The following STK33 variants were observed in gnomAD, a reference collection of about 807,000 sequenced individuals.
STK33 encodes the protein serine/threonine-protein kinase 33.
STK33 carries 52 observed loss-of-function variants against 58.0 expected under a neutral mutation model. The ratio of observed to expected loss-of-function variants is 0.90; its 90% CI spans 0.72 to 1.13. The LOEUF is 1.13. Among genes scored for constraint, STK33 ranks in the 50% most tolerant of loss-of-function variants. The pLI, the probability that STK33 is intolerant of heterozygous loss-of-function variation, is 0.00. For missense variants in STK33, 630 were observed against 604.2 expected, an observed-to-expected ratio of 1.04 and a Z score of -0.45; for synonymous variants, 215 against 200.1, an observed-to-expected ratio of 1.07 and a Z score of -0.63.
chr11:8,544,588 T>C (rs900064334), intron 1 of STK33, among the ~76,000 whole-genome samples: 2 of 151,870 alleles, frequency 1.3e-5, no homozygotes, highest in African/African-American at 2.4e-5. Flanking sequence ...CCTCGGATAA[T>C]TGACATATAC....
chr11:8,572,316 C>T (rs1161041509), intron 1 of STK33, among the ~76,000 whole-genome samples: 1 of 152,144 alleles, frequency 6.6e-6, no homozygotes, highest in Non-Finnish European at 1.5e-5. Flanking sequence ...ACCTGCCCTA[C>T]TTAAGCTTAA....
chr11:8,390,087 A>AT (rs1326338346), downstream of STK33, among the ~76,000 whole-genome samples: 1 of 152,088 alleles, frequency 6.6e-6, no homozygotes, highest in East Asian at 1.9e-4. Context: ...TTTGCTCCAC[A>AT]TATCCCCATT....
chr11:8,365,054 G>A, the STK33 span, among the ~76,000 whole-genome samples: 1 of 145,506 alleles, frequency 6.9e-6, no homozygotes, highest in Non-Finnish European at 1.5e-5. Context: ...GGCCAGCAGG[G>A]AACAGCTGGT....
chr11:8,475,095 G>A, intron 4 of STK33, 29 bp from the exon 5 acceptor site: 1 of 481,920 alleles, frequency 2.1e-6, no homozygotes, highest in East Asian at 3.4e-5. Context: ...TAACCATTTA[G>A]AGAAATTCTT....
intron 1 of STK33, among the ~76,000 whole-genome samples, chr11:8,554,248 T>A (rs1321951480): frequency 6.6e-6 from 1 of 151,416 alleles, no homozygotes; most frequent in East Asian, 1.9e-4. Context: ...TGAAACCCCG[T>A]CTCTATTAAA....
In STK33 at chr11:8,457,424, T is replaced by C; in HGVS notation, c.614A>G (p.Asp205Gly). 6.2e-7 allele frequency: 1 copy of C among 1,607,522 alleles called. No individual in the cohort carries two copies. The highest frequency in any genetic ancestry group is 8.5e-7 in the Non-Finnish European group (1 of 1,175,568). The change falls in exon 9 of 16, where the codon GAT becomes GGT. Residue 205 changes from aspartate to glycine, a missense_variant. By Grantham distance (94) the Asp-to-Gly change is moderately conservative. Coordinates refer to ENST00000687296, the MANE Select transcript of STK33 (RefSeq NM_001352389.2). Reference protein sequence around the residue: ...CEDGELKEILDRKGHFSENET... With the variant: ...CEDGELKEILGRKGHFSENET... ...ATTCTCTGAGAAATGCCCTTTCCTA[T>C]CCAGAATTTCTTTGAGTTCTCCATC... is the stretch of plus-strand genomic sequence containing the variant.
At chr11:8,531,592 G>A (rs1007113367) in intron 1 of STK33, among the ~76,000 whole-genome samples, 1 of 152,144 alleles carries the variant, frequency 6.6e-6, no homozygotes, top group East Asian at 1.9e-4. Flanking sequence ...CCTATCAATG[G>A]GGATGCTCAC....
intron 12 of STK33, among the ~76,000 whole-genome samples, chr11:8,437,153 T>C (rs1944174797): frequency 6.6e-6 from 1 of 152,194 alleles, no homozygotes. Context: ...GAAAGCTAAG[T>C]GTACCTAATG....
intron 1 of STK33, among the ~76,000 whole-genome samples, chr11:8,582,315 C>T (rs2030501421): frequency 6.6e-6 from 1 of 152,150 alleles, no homozygotes; most frequent in South Asian, 2.1e-4. Context: ...CTCAATTATA[C>T]AAAACAAATA....
At chr11:8,440,127 G>C (rs1342505417) in intron 12 of STK33, among the ~76,000 whole-genome samples, 1 of 151,854 alleles carries the variant, frequency 6.6e-6, no homozygotes, top group Non-Finnish European at 1.5e-5. Context: ...AAATGAGCAG[G>C]ACATGGAGTT....
chr11:8,436,075 C>T lies in STK33; in HGVS notation c.1012G>A (p.Gly338Arg), dbSNP rs1321376362. The change falls in exon 13 of 16, where the codon GGA (glycine) becomes AGA (arginine). Residue 338 changes from glycine to arginine, a missense_variant. By Grantham distance (125) the Gly-to-Arg change is moderately radical (BLOSUM62 -2). Coordinates refer to ENST00000687296, the MANE Select transcript of STK33 (RefSeq NM_001352389.2). Reference sequence around the variant, plus strand: ...ACTGCATTTTCAAAATGTAGTTCTCCTTTTCTTATTAACTCAAAAAGCTTC... The same window carrying T: ...ACTGCATTTTCAAAATGTAGTTCTCTTTTTCTTATTAACTCAAAAAGCTTC... ...EEKLFELIRKGELHFENAVWN... is the reference protein window; with the variant it reads ...EEKLFELIRKRELHFENAVWN... 6 of 1,596,392 alleles carry T rather than the reference C, an allele frequency of 3.8e-6. No homozygotes were observed. Among genetic ancestry groups the T allele is most frequent in the Non-Finnish European group, 5.1e-6 (6 of 1,171,248 alleles).
chr11:8,348,138 C>A, the STK33 span, among the ~76,000 whole-genome samples: 1 of 152,244 alleles, frequency 6.6e-6, no homozygotes, highest in Non-Finnish European at 1.5e-5. Flanking sequence ...GACCCCTCAC[C>A]TCTTTTCCTG....
chr11:8,433,182 G>C (rs965519023), intron 14 of STK33, among the ~76,000 whole-genome samples: 2 of 152,154 alleles, frequency 1.3e-5, no homozygotes, highest in African/African-American at 4.8e-5. Context: ...AGAATCCTTT[G>C]AGAGAGCAAC....
At chr11:8,541,014 C>A (rs1001936265) in intron 1 of STK33, among the ~76,000 whole-genome samples, 1 of 147,796 alleles carries the variant, frequency 6.8e-6, no homozygotes, top group Non-Finnish European at 1.5e-5. Flanking sequence ...ATATATATAT[C>A]TCATAACATT....
intron 1 of STK33, among the ~76,000 whole-genome samples, chr11:8,510,155 C>T (rs1163160511): frequency 6.6e-6 from 1 of 152,158 alleles, no homozygotes; most frequent in Non-Finnish European, 1.5e-5. Context: ...ACCACATCCA[C>T]ACCAGCACCT....
downstream of STK33, among the ~76,000 whole-genome samples, chr11:8,390,705 C>G (rs1224726446): frequency 6.6e-6 from 1 of 152,104 alleles, no homozygotes; most frequent in South Asian, 2.1e-4. Flanking sequence ...GGTGGCTGGC[C>G]TTGCCTGGTG....
intron 12 of STK33, among the ~76,000 whole-genome samples, chr11:8,439,869 T>TTTTATATATA (rs1554930118): frequency 4.7e-5 from 5 of 107,274 alleles, no homozygotes; most frequent in African/African-American, 1.4e-4. Context: ...TATATTATAA[T>TTTTATATATA]TATATATATA....
At chr11:8,361,375 C>T in the STK33 span, among the ~76,000 whole-genome samples, 3 of 152,158 alleles carry the variant, frequency 2.0e-5, no homozygotes, top group East Asian at 1.9e-4. This position sits in a 1 kb window ranked among gnomAD's most constrained non-coding sequence, Gnocchi z 4.8. Context: ...CATTCCACAT[C>T]GAGCCTTTCC....
At chr11:8,336,192 G>A in the STK33 span, among the ~76,000 whole-genome samples, 3 of 152,238 alleles carry the variant, frequency 2.0e-5, no homozygotes, top group African/African-American at 7.2e-5. Context: ...CTGGACACAG[G>A]GGCCCCACCT....
Sources: gnomAD v4.1 joint callset for allele counts (sites outside exome capture counted in the v4.1 genomes callset) on GRCh38, gnomAD v4.1.1 for gene constraint, Gnocchi (gnomAD v3.1) non-coding constraint, MANE v1.5 for transcripts, NCBI Gene and HGNC (gene_info 2026-07-23, HGNC 2026-07-21) for gene names.